The following ESRRG variants were observed in gnomAD, a reference collection of about 807,000 sequenced individuals.
ESRRG encodes estrogen-related receptor gamma.
A neutral mutation model predicts 44.0 loss-of-function variants in ESRRG; 13 were observed. That is an observed-to-expected ratio of 0.30 (90% CI 0.19 to 0.47). The LOEUF is 0.47. ESRRG is among the 20% of genes least tolerant of loss of function. The probability of loss-of-function intolerance (pLI) is 1.00; values close to 1 mark genes in which losing one functional copy is unlikely to be tolerated. For missense variants in ESRRG, 395 were observed against 580.6 expected, an observed-to-expected ratio of 0.68 and a Z score of 3.29; for synonymous variants, 215 against 214.6, an observed-to-expected ratio of 1.00 and a Z score of -0.02.
intron 2 of ESRRG, among the ~76,000 whole-genome samples, chr1:216,836,931 T>C (rs2095574251): frequency 6.6e-6 from 1 of 151,930 alleles, no homozygotes; most frequent in South Asian, 2.1e-4. Context: ...CTGCTATACA[T>C]ACATGTGTAC....
chr1:216,913,557 G>A (rs946650526), intron 2 of ESRRG, among the ~76,000 whole-genome samples: 1 of 152,200 alleles, frequency 6.6e-6, no homozygotes, highest in African/African-American at 2.4e-5. Flanking sequence ...GTGGATTGTG[G>A]CTTCGAAGAT....
intron 5 of ESRRG, among the ~76,000 whole-genome samples, chr1:216,528,610 C>A (rs1018647262): frequency 2.0e-5 from 3 of 152,066 alleles, no homozygotes; most frequent in African/African-American, 7.2e-5. Flanking sequence ...TTTCTACTTG[C>A]AGGAATAAAA....
At chr1:216,851,175 C>A (rs2095837374) in intron 2 of ESRRG, among the ~76,000 whole-genome samples, 1 of 151,634 alleles carries the variant, frequency 6.6e-6, no homozygotes, top group Admixed American at 6.6e-5. Context: ...GGTTAAAGAT[C>A]TATGACTAAT....
intron 2 of ESRRG, among the ~76,000 whole-genome samples, chr1:216,842,987 A>G (rs540013943): frequency 4.1e-4 from 62 of 152,136 alleles, no homozygotes; most frequent in Non-Finnish European, 8.7e-4. Flanking sequence ...ACTGTGAACA[A>G]ATGCTGGTCT....
At chr1:216,869,907 A>C (rs1345081602) in intron 2 of ESRRG, among the ~76,000 whole-genome samples, 1 of 152,014 alleles carries the variant, frequency 6.6e-6, no homozygotes, top group Non-Finnish European at 1.5e-5. Flanking sequence ...TAACCTGAAA[A>C]GTTGCTAAAT....
intron 1 of ESRRG, among the ~76,000 whole-genome samples, chr1:217,135,252 G>A (rs184898364): frequency 1.6e-3 from 233 of 149,450 alleles, no homozygotes; most frequent in African/African-American, 5.5e-3. Context: ...CTCACCCCCT[G>A]CTCCGCCCAG....
rs1467744193 is a variant in ESRRG at position 216,884,842 on chromosome 1, C to A, written c.-14+54740G>T. ...AAATTAACAAAACCATTGGTGACAGCCACAGGATACAGCAGTATGTAAAGA... is the reference window on the plus strand; with the variant it reads ...AAATTAACAAAACCATTGGTGACAGACACAGGATACAGCAGTATGTAAAGA... On this transcript the variant is annotated intron_variant, in intron 2 of 7. Transcript: ENST00000359162. Among the ~76,000 whole-genome samples the A allele has an allele frequency of 2.6e-5, 4 of 152,188 alleles. No homozygotes were observed. The East Asian group carries it at 5.8e-4, about 22-fold the overall frequency.
chr1:217,106,365 C>T (rs1288971428), intron 1 of ESRRG, among the ~76,000 whole-genome samples: 1 of 150,256 alleles, frequency 6.7e-6, no homozygotes, highest in African/African-American at 2.5e-5. Context: ...ATACCACACA[C>T]ATACATCTAT....
At chr1:216,699,982 T>C (rs940936544) in intron 1 of ESRRG, among the ~76,000 whole-genome samples, 6 of 152,206 alleles carry the variant, frequency 3.9e-5, no homozygotes, top group Admixed American at 3.3e-4. Flanking sequence ...TTTTTTAATT[T>C]ATATAAATCC....
At chr1:217,069,590 G>A (rs1351702521) in intron 1 of ESRRG, among the ~76,000 whole-genome samples, 25 of 151,994 alleles carry the variant, frequency 1.6e-4, no homozygotes, top group Admixed American at 1.6e-3. Flanking sequence ...GACTTATATT[G>A]CATCTCATTT....
chr1:216,714,433 C>T (rs2084352715), intron 1 of ESRRG: 1 of 193,368 alleles, frequency 5.2e-6, no homozygotes, highest in Admixed American at 6.5e-5. Context: ...ATTCCCCCCA[C>T]ACTTCAGGTT....
chr1:216,688,962 C>G (rs2078551261), intron 1 of ESRRG, among the ~76,000 whole-genome samples: 1 of 152,098 alleles, frequency 6.6e-6, no homozygotes, highest in Non-Finnish European at 1.5e-5. Flanking sequence ...TCTTAAAATA[C>G]AGAGATGCAT....
chr1:216,974,505 C>T (rs892023596), intron 1 of ESRRG, among the ~76,000 whole-genome samples: 1 of 152,074 alleles, frequency 6.6e-6, no homozygotes, highest in Non-Finnish European at 1.5e-5. Flanking sequence ...AGCTGAGATT[C>T]ATAATATTTT....
At chr1:217,034,678 C>T (rs565839663) in intron 1 of ESRRG, among the ~76,000 whole-genome samples, 241 of 152,278 alleles carry the variant, frequency 1.6e-3, no homozygotes, top group African/African-American at 5.6e-3. Flanking sequence ...AAGATAGGAG[C>T]AAACCCAAAG....
chr1:216,506,326 G>A lies in ESRRG; in HGVS notation c.*613C>T. 1 of 264,886 alleles carries A rather than the reference G, an allele frequency of 3.8e-6. No individual in the cohort carries two copies. Among genetic ancestry groups the A allele is most frequent in the Non-Finnish European group, 7.4e-6 (1 of 134,400 alleles). 16.4% of individuals were successfully genotyped at this position (264,886 alleles called of 1,614,324 possible). A position where few individuals can be genotyped will look rare whatever the true frequency, so the allele number is the denominator to read the frequency against. Reference sequence around the variant, plus strand: ...AGTATGGTTCACAATAAGTTCACTGGCATCCATATTATGGATCTCCATCCT... The same window carrying A: ...AGTATGGTTCACAATAAGTTCACTGACATCCATATTATGGATCTCCATCCT... On this transcript the variant is annotated 3_prime_UTR_variant, in exon 7 of 7. Transcript: ENST00000408911.
At chr1:216,534,596 T>A (rs2050365915) in intron 5 of ESRRG, among the ~76,000 whole-genome samples, 1 of 152,202 alleles carries the variant, frequency 6.6e-6, no homozygotes, top group Non-Finnish European at 1.5e-5. Context: ...CGTTTGTAGT[T>A]CACATGTATT....
chr1:216,683,901 T>C (rs1001507691), intron 1 of ESRRG, among the ~76,000 whole-genome samples: 1 of 152,108 alleles, frequency 6.6e-6, no homozygotes, highest in African/African-American at 2.4e-5. Flanking sequence ...TACCCCTAAA[T>C]CCGAGGTAAA....
chr1:216,584,561 C>T (rs964273955), intron 3 of ESRRG, among the ~76,000 whole-genome samples: 3 of 152,024 alleles, frequency 2.0e-5, no homozygotes, highest in African/African-American at 7.2e-5. Flanking sequence ...CGGCCCAAAA[C>T]TTACAAGTTA....
chr1:216,560,348 C>G (rs2058484080), intron 5 of ESRRG, among the ~76,000 whole-genome samples: 1 of 152,080 alleles, frequency 6.6e-6, no homozygotes, highest in South Asian at 2.1e-4. Context: ...AATAAACAAG[C>G]AGACCTGAAG....
Sources: allele counts gnomAD v4.1 joint callset (sites outside exome capture counted in the v4.1 genomes callset), GRCh38; gene constraint gnomAD v4.1.1; transcripts MANE v1.5; gene names NCBI Gene and HGNC (gene_info 2026-07-23, HGNC 2026-07-21).